SLC39A11: variants seen among roughly 807,000 people sequenced by gnomAD.
The protein encoded by SLC39A11 is solute carrier family 39 member 11.
A neutral mutation model predicts 36.1 loss-of-function variants in SLC39A11; 33 were observed. That is an observed-to-expected ratio of 0.91 (90% CI 0.69 to 1.22). The LOEUF (loss-of-function observed/expected upper bound fraction) is 1.22. Ranked by LOEUF, SLC39A11 falls within the 50% of genes most tolerant of loss-of-function variation. SLC39A11 has a pLI of 0.00. For synonymous variants in SLC39A11, 166 were observed against 170.3 expected (o/e 0.97, Z 0.20); for missense variants, 432 against 430.3 (o/e 1.00, Z -0.03).
chr17:72,823,078 G>C (rs2145585459), intron 6 of SLC39A11, among the ~76,000 whole-genome samples: 1 of 151,190 alleles, frequency 6.6e-6, no homozygotes, highest in Non-Finnish European at 1.5e-5. Flanking sequence ...GGAAAAGCTG[G>C]GACAAGGCAG....
chr17:72,652,005 C>T (rs2069874875), intron 7 of SLC39A11, among the ~76,000 whole-genome samples: 1 of 152,206 alleles, frequency 6.6e-6, no homozygotes, highest in Non-Finnish European at 1.5e-5. Flanking sequence ...ATCTAGGGGG[C>T]AGCAAACTTT....
intron 1 of SLC39A11, among the ~76,000 whole-genome samples, chr17:73,089,305 A>AC (rs2060847977): frequency 6.6e-6 from 1 of 151,420 alleles, no homozygotes; most frequent in Admixed American, 6.6e-5. Context: ...ATACCCACCA[A>AC]CCCCCGACTC....
chr17:72,683,460 A>C (rs908211677), intron 7 of SLC39A11, among the ~76,000 whole-genome samples: 3 of 151,116 alleles, frequency 2.0e-5, no homozygotes, highest in African/African-American at 7.3e-5. Flanking sequence ...CTCAGCCCCT[A>C]GGGTAGCTGG....
intron 4 of SLC39A11, among the ~76,000 whole-genome samples, chr17:72,978,938 G>A (rs995002478): frequency 6.6e-6 from 1 of 152,184 alleles, no homozygotes; most frequent in African/African-American, 2.4e-5. Flanking sequence ...TGACTGACTA[G>A]CCAGAAACAT....
intron 7 of SLC39A11, among the ~76,000 whole-genome samples, chr17:72,652,209 T>C (rs756634440): frequency 3.3e-5 from 5 of 152,186 alleles, no homozygotes; most frequent in Non-Finnish European, 2.9e-5. Flanking sequence ...TGGGCTGCAG[T>C]TTGCTGACCC....
intron 3 of SLC39A11, among the ~76,000 whole-genome samples, chr17:73,047,137 G>A (rs1018333289): frequency 6.7e-5 from 10 of 149,296 alleles, no homozygotes; most frequent in East Asian, 6.1e-4. Context: ...CCATTCTCCC[G>A]CCTCAGCCTC....
intron 6 of SLC39A11, among the ~76,000 whole-genome samples, chr17:72,774,914 C>T (rs191884985): frequency 6.6e-6 from 1 of 152,132 alleles, no homozygotes; most frequent in East Asian, 1.9e-4. Context: ...TTATTCCCTT[C>T]TCCTTGGCTT....
chr17:72,864,956 T>G (rs2080228447), intron 5 of SLC39A11, among the ~76,000 whole-genome samples: 1 of 152,118 alleles, frequency 6.6e-6, no homozygotes, highest in South Asian at 2.1e-4. Context: ...TTTTGCAAAT[T>G]TAAATTTTGA....
chr17:73,013,489 T>C (rs1197947598), intron 4 of SLC39A11, among the ~76,000 whole-genome samples: 2 of 152,222 alleles, frequency 1.3e-5, no homozygotes, highest in African/African-American at 4.8e-5. Context: ...TGCTGCTGTG[T>C]TGCAAAAGCA....
At chr17:72,872,621 A>C (rs1171325114) in intron 5 of SLC39A11, among the ~76,000 whole-genome samples, 1 of 152,244 alleles carries the variant, frequency 6.6e-6, no homozygotes, top group Non-Finnish European at 1.5e-5. Context: ...GACATAGGCC[A>C]AGCTAGCTAC....
At chr17:72,991,516 C>T (rs571288280) in intron 4 of SLC39A11, among the ~76,000 whole-genome samples, 16 of 152,202 alleles carry the variant, frequency 1.1e-4, no homozygotes, top group African/African-American at 3.1e-4. Context: ...CGCCACCACA[C>T]CCGGCTAATT....
intron 5 of SLC39A11, among the ~76,000 whole-genome samples, chr17:72,888,326 C>T (rs572005940): frequency 6.6e-6 from 1 of 152,116 alleles, no homozygotes; most frequent in Non-Finnish European, 1.5e-5. Context: ...AACAAACATA[C>T]AGAACTTTCA....
intron 3 of SLC39A11, among the ~76,000 whole-genome samples, chr17:73,041,814 A>G (rs2059120747): frequency 6.6e-6 from 1 of 152,260 alleles, no homozygotes; most frequent in African/African-American, 2.4e-5. Flanking sequence ...AAACATTTAA[A>G]ATCACCAGAT....
At chr17:72,726,753 T>C (rs1166110339) in intron 7 of SLC39A11, among the ~76,000 whole-genome samples, 3 of 152,230 alleles carry the variant, frequency 2.0e-5, no homozygotes, top group African/African-American at 7.2e-5. Context: ...TATATATGTA[T>C]AAGCCAGGGG....
At position 72,729,428 on chromosome 17, in the gene SLC39A11, TA is replaced by T. The variant is rs2074087357; in HGVS notation, c.671+7221del. Among the ~76,000 whole-genome samples, 8 of 5,280 alleles carry T rather than the reference TA, an allele frequency of 1.5e-3. 1 individual carries two copies. Among genetic ancestry groups the T allele is most frequent in the Admixed American group, 3.2e-3 (1 of 314 alleles). 3.5% of individuals were successfully genotyped at this position (5,280 alleles called of 152,430 possible). On this transcript the variant is annotated intron_variant, in intron 7 of 9. Transcript: ENST00000255559. ...ATTTATATATATATATATATATATA[TA>T]TATATATATATATATATATATATAT...
chr17:73,031,469 AG>A, intron 4 of SLC39A11, 86 bp downstream of exon 4: 3 of 1,402,754 alleles, frequency 2.1e-6, no homozygotes, highest in Non-Finnish European at 3.0e-6. Context: ...AGACATTAAC[AG>A]GTATGTCAGG....
At chr17:72,707,604 T>C (rs978532779) in intron 7 of SLC39A11, among the ~76,000 whole-genome samples, 1 of 152,184 alleles carries the variant, frequency 6.6e-6, no homozygotes, top group Non-Finnish European at 1.5e-5. Context: ...TCCTGTGTCA[T>C]CAAGCAACTA....
chr17:72,845,813 G>C (rs2079020521), intron 6 of SLC39A11, among the ~76,000 whole-genome samples: 1 of 152,164 alleles, frequency 6.6e-6, no homozygotes, highest in African/African-American at 2.4e-5. Context: ...CTGTCCTCCA[G>C]TTTACTGAAA....
intron 3 of SLC39A11, among the ~76,000 whole-genome samples, chr17:73,081,014 AAAT>A (rs562150331): frequency 2.9e-4 from 44 of 152,144 alleles, no homozygotes; most frequent in Non-Finnish European, 5.6e-4. Flanking sequence ...ACAGCAAAAG[AAAT>A]AATCAGCAAA....
Sources: allele counts gnomAD v4.1 joint callset (sites outside exome capture counted in the v4.1 genomes callset), GRCh38; gene constraint gnomAD v4.1.1; transcripts MANE v1.5; gene names NCBI Gene and HGNC (gene_info 2026-07-23, HGNC 2026-07-21).